The following HNRNPC variants were observed in gnomAD, a reference collection of about 807,000 sequenced individuals.
HNRNPC encodes heterogeneous nuclear ribonucleoprotein C.
HNRNPC carries 3 observed loss-of-function variants against 33.2 expected under a neutral mutation model. The observed-to-expected ratio is 0.09, with a 90% CI of 0.04 to 0.23. The LOEUF is 0.23. HNRNPC is among the 10% of genes least tolerant of loss of function. The pLI, the probability that HNRNPC is intolerant of heterozygous loss-of-function variation, is 1.00. For synonymous variants in HNRNPC, 121 were observed against 126.7 expected, an observed-to-expected ratio of 0.96 and a Z score of 0.30; for missense variants, 143 against 366.7, an observed-to-expected ratio of 0.39 and a Z score of 4.98.
intron 2 of HNRNPC, among the ~76,000 whole-genome samples, chr14:21,255,585 T>A (rs1045892704): frequency 6.6e-6 from 1 of 152,230 alleles, no homozygotes; most frequent in African/African-American, 2.4e-5. Flanking sequence ...CTAGCTATGC[T>A]ATTTATGCCC....
chr14:21,210,193 T>A lies in HNRNPC; in HGVS notation c.*1030A>T, dbSNP rs1273732779. The A allele has an allele frequency of 6.6e-6, 1 of 152,218 alleles. No individual in the cohort carries two copies. The highest frequency in any genetic ancestry group is 6.5e-5 in the Admixed American group (1 of 15,288). 9.4% of individuals were successfully genotyped at this position (152,218 alleles called of 1,614,324 possible). On this transcript the variant is annotated 3_prime_UTR_variant, in exon 9 of 9. Coordinates refer to ENST00000553300, the MANE Select transcript of HNRNPC (RefSeq NM_004500.4). ...TGTCGCCATTTTCCTGAAATCTTGA[T>A]GTTTTTGAGCCTCTCCTATTTAAGG...
At chr14:21,228,928 T>C (rs1893784111) in intron 5 of HNRNPC, among the ~76,000 whole-genome samples, 1 of 150,064 alleles carries the variant, frequency 6.7e-6, no homozygotes, top group Non-Finnish European at 1.5e-5. Context: ...CTACTAAAAA[T>C]ACAAAAATTA....
intron 5 of HNRNPC, among the ~76,000 whole-genome samples, chr14:21,229,838 T>C (rs1014258686): frequency 2.6e-5 from 4 of 152,238 alleles, no homozygotes; most frequent in South Asian, 2.1e-4. Context: ...TTAAAGTCTA[T>C]TGCATACAAT....
chr14:21,226,839 C>G (rs1893495770), intron 5 of HNRNPC, among the ~76,000 whole-genome samples: 1 of 135,400 alleles, frequency 7.4e-6, no homozygotes, highest in Non-Finnish European at 1.5e-5. Flanking sequence ...AAGACCAACC[C>G]ACTGCACTCC....
intron 2 of HNRNPC, among the ~76,000 whole-genome samples, chr14:21,243,831 T>C (rs1229545179): frequency 6.6e-6 from 1 of 152,184 alleles, no homozygotes; most frequent in East Asian, 1.9e-4. Flanking sequence ...CATGGTAGAA[T>C]ACTTACTGAC....
At chr14:21,233,836 C>G in intron 3 of HNRNPC, 117 bp downstream of exon 3, 1 of 1,257,936 alleles carries the variant, frequency 7.9e-7, no homozygotes, top group South Asian at 1.5e-5. Flanking sequence ...TTAGGCTAAA[C>G]AGTCGCAATA....
In HNRNPC at chr14:21,211,466, G is replaced by A. The variant is rs746324311; in HGVS notation, c.738C>T (p.Asp246=). The A allele has an allele frequency of 6.2e-7, 1 of 1,608,752 alleles. No individual in the cohort carries two copies. Among genetic ancestry groups the A allele is most frequent in the Admixed American group, 1.7e-5 (1 of 58,764 alleles). The change falls in exon 8 of 9, where the codon GAC becomes GAT. Residue 246 remains aspartate (D), a synonymous_variant. Transcript: ENST00000553300. ...CCAGTAGGTCCCCCTCCTCAGCAGAGTCATCTGCACCCCCCTCAGACTCCA... is the reference window on the plus strand; with the variant it reads ...CCAGTAGGTCCCCCTCCTCAGCAGAATCATCTGCACCCCCCTCAGACTCCA... ...VKMESEGGAD[D]SAEEGDLLDD...
At chr14:21,249,098 C>A (rs781310244) in intron 2 of HNRNPC, among the ~76,000 whole-genome samples, 6 of 152,160 alleles carry the variant, frequency 3.9e-5, no homozygotes, top group Non-Finnish European at 8.8e-5. Context: ...TTTTTCTCAA[C>A]TTTTCACTAA....
At position 21,231,001 on chromosome 14, in the gene HNRNPC, A is replaced by G; in HGVS notation, c.313T>C (p.Tyr105His). ...AGVKRSAAEM[Y>H]GSSFDLDYDF... is the part of the protein sequence containing the mutation. Reference sequence around the variant, plus strand: ...GAAGGGTGTTCTGTTACTGACCCGTACATCTCCGCTGCAGATCGTTTCACA... The same window carrying G: ...GAAGGGTGTTCTGTTACTGACCCGTGCATCTCCGCTGCAGATCGTTTCACA... Residue 105 changes from tyrosine to histidine, a missense_variant, in exon 4 of 9, where the codon TAC (tyrosine) becomes CAC (histidine). Tyr to His is a moderately conservative substitution (Grantham distance 83). Coordinates refer to ENST00000553300, the MANE Select transcript of HNRNPC (RefSeq NM_004500.4). The G allele has an allele frequency of 6.2e-7, 1 of 1,614,194 alleles. No homozygotes were observed. The highest frequency in any genetic ancestry group is 8.5e-7 in the Non-Finnish European group (1 of 1,180,042).
intron 5 of HNRNPC, among the ~76,000 whole-genome samples, chr14:21,226,128 C>A (rs1431010312): frequency 6.6e-6 from 1 of 151,854 alleles, no homozygotes; most frequent in Non-Finnish European, 1.5e-5. Context: ...TGAGACCAGT[C>A]TGGCCAACAT....
chr14:21,243,944 CAT>C (rs1442197796), intron 2 of HNRNPC, among the ~76,000 whole-genome samples: 3 of 149,980 alleles, frequency 2.0e-5, no homozygotes, highest in Admixed American at 6.8e-5. Context: ...GAGAACAAAA[CAT>C]AAAAATGTTG....
intron 1 of HNRNPC, among the ~76,000 whole-genome samples, 152 bp downstream of exon 1, chr14:21,269,146 C>T (rs376646096): frequency 6.6e-6 from 1 of 152,220 alleles, no homozygotes; most frequent in South Asian, 2.1e-4. Context: ...GCCTATAAAA[C>T]TGCCCCCGGC....
At chr14:21,228,448 G>C (rs1893722175) in intron 5 of HNRNPC, among the ~76,000 whole-genome samples, 1 of 152,124 alleles carries the variant, frequency 6.6e-6, no homozygotes, top group Non-Finnish European at 1.5e-5. Flanking sequence ...CTGGAGTGCA[G>C]TGGCGCGATC....
intron 1 of HNRNPC, among the ~76,000 whole-genome samples, 186 bp downstream of exon 1, chr14:21,269,112 G>A (rs890495659): frequency 2.0e-5 from 3 of 152,168 alleles, no homozygotes; most frequent in Non-Finnish European, 4.4e-5. Flanking sequence ...GAGGACACCA[G>A]GTTAAACCTA....
At chr14:21,214,739 A>G (rs1274208334) in intron 5 of HNRNPC, among the ~76,000 whole-genome samples, 1 of 152,226 alleles carries the variant, frequency 6.6e-6, no homozygotes, top group African/African-American at 2.4e-5. Flanking sequence ...TTTTTGACCA[A>G]AATCTTGCAA....
At chr14:21,215,362 G>A (rs1892043508) in intron 5 of HNRNPC, among the ~76,000 whole-genome samples, 1 of 152,168 alleles carries the variant, frequency 6.6e-6, no homozygotes, top group African/African-American at 2.4e-5. Flanking sequence ...ACTACTTCAA[G>A]CACCAGCTAA....
chr14:21,246,482 C>A (rs1895992473), intron 2 of HNRNPC, among the ~76,000 whole-genome samples: 1 of 151,088 alleles, frequency 6.6e-6, no homozygotes. Context: ...AGGAAAATGG[C>A]GTGAACCCGG....
At chr14:21,222,182 T>C (rs1892900471) in intron 5 of HNRNPC, among the ~76,000 whole-genome samples, 2 of 151,656 alleles carry the variant, frequency 1.3e-5, no homozygotes, top group Admixed American at 1.3e-4. Flanking sequence ...AAGACAGATA[T>C]GAATGTAAGT....
At chr14:21,256,851 A>AG (rs1328012318) in intron 2 of HNRNPC, among the ~76,000 whole-genome samples, 3 of 152,000 alleles carry the variant, frequency 2.0e-5, no homozygotes, top group Non-Finnish European at 4.4e-5. Flanking sequence ...ACAGGGTTTC[A>AG]CCATGTTGCC....
Sources: allele counts gnomAD v4.1 joint callset (sites outside exome capture counted in the v4.1 genomes callset), GRCh38; gene constraint gnomAD v4.1.1; transcripts MANE v1.5; gene names NCBI Gene and HGNC (gene_info 2026-07-23, HGNC 2026-07-21).